POGLUT1: variants seen among roughly 807,000 people sequenced by gnomAD.
POGLUT1 encodes protein O-glucosyltransferase 1.
In POGLUT1, 32 loss-of-function variants were observed where a neutral mutation model predicts 61.3. That is an observed-to-expected ratio of 0.52 (90% CI 0.39 to 0.70). The LOEUF (loss-of-function observed/expected upper bound fraction) is 0.70, where lower values mean the gene tolerates loss of function less well. Ranked by LOEUF, POGLUT1 falls within the 30% of genes least tolerant of loss-of-function variation. The pLI is 0.00. For synonymous variants in POGLUT1, 158 were observed against 158.2 expected (o/e 1.00, Z 0.01); for missense variants, 411 against 469.8 (o/e 0.87, Z 1.16).
At chr3:119,469,394 CT>C (rs1393296231) in intron 1 of POGLUT1, 2 of 568,410 alleles carry the variant, frequency 3.5e-6, no homozygotes, top group Non-Finnish European at 6.3e-6. Context: ...TACTCTGGAC[CT>C]GCCTGAAACA....
chr3:119,477,320 G>T lies in POGLUT1; in HGVS notation c.328G>T (p.Gly110Cys), dbSNP rs1413130441. 1 of 1,613,924 alleles carries T rather than the reference G, an allele frequency of 6.2e-7. No individual in the cohort carries two copies. The highest frequency in any genetic ancestry group is 1.3e-5 in the African/African-American group (1 of 74,908). The change falls in exon 4 of 11, where the codon GGT (glycine) becomes TGT (cysteine). Residue 110 changes from glycine (G) to cysteine (C), a missense_variant. By Grantham distance (159) the Gly-to-Cys change is radical (BLOSUM62 -3). Coordinates refer to ENST00000295588, the MANE Select transcript of POGLUT1 (RefSeq NM_152305.3). ...GGTATGTCTGGTTGACAGGTGTAGT[G>T]GTGTTGAGCACTTTATTTTGGAAGT... ...NDCMFPSRCS[G>C]VEHFILEVIG...
At chr3:119,473,551 G>A (rs1316014050) in intron 3 of POGLUT1, among the ~76,000 whole-genome samples, 1 of 151,830 alleles carries the variant, frequency 6.6e-6, no homozygotes, top group African/African-American at 2.4e-5. Context: ...GACAAAATAC[G>A]AATAGAATGC....
Position 119,491,551 on chromosome 3 carries a change from T to C in POGLUT1, c.999T>C (p.Asp333=), listed in dbSNP as rs111547006. The C allele has an allele frequency of 1.9e-6, 3 of 1,566,188 alleles. No homozygotes were observed. The highest frequency in any genetic ancestry group is 1.4e-5 in the African/African-American group (1 of 73,388). The part of the protein sequence containing the change: ...ELLQFVKAND[D]VAQEIAERGS... ...TACAATTTGTAAAAGCAAATGATGA[T>C]GTAGCTCAAGAGATTGCTGAAAGGT... is the stretch of plus-strand genomic sequence containing the variant. Residue 333 remains aspartate (D), a synonymous_variant, in exon 10 of 11, where the codon GAT becomes GAC. Coordinates refer to ENST00000295588, the MANE Select transcript of POGLUT1 (RefSeq NM_152305.3).
At chr3:119,489,407 T>A in intron 8 of POGLUT1, 1 of 154,642 alleles carries the variant, frequency 6.5e-6, no homozygotes, top group East Asian at 1.9e-4. Flanking sequence ...CAGCCTGGGC[T>A]ACATAGTGAG....
rs2081475815 is a variant in POGLUT1 at position 119,471,636 on chromosome 3, C to G, written c.320+184C>G. 1.0e-5 allele frequency: 6 copies of G among 577,950 alleles called. No homozygotes were observed. In the Middle Eastern group the frequency reaches 1.4e-3, roughly 137 times the overall value. The allele number at this position is 577,950 out of a possible 1,614,324, so 35.8% of individuals were successfully genotyped here. A position where few individuals can be genotyped will look rare whatever the true frequency, so the allele number is the denominator to read the frequency against. Reference sequence around the variant, plus strand: ...TTTTCTTGCGAGCTCCTCTCAAAGCCTGTCTCCTCTGTGAGGCTTGGTTCA... The same window carrying G: ...TTTTCTTGCGAGCTCCTCTCAAAGCGTGTCTCCTCTGTGAGGCTTGGTTCA... On this transcript the variant is annotated intron_variant, in intron 3 of 10. Transcript: ENST00000295588.
intron 4 of POGLUT1, chr3:119,478,505 C>T (rs192332804): frequency 6.6e-4 from 291 of 439,682 alleles, no homozygotes; most frequent in Non-Finnish European, 1.1e-3. Flanking sequence ...TGTTTGTTAT[C>T]TATCTGTTGT....
At position 119,490,575 on chromosome 3, in the gene POGLUT1, A is replaced by G. The variant is rs1485004020; in HGVS notation, c.822A>G (p.Val274=). The G allele has an allele frequency of 9.3e-6, 15 of 1,614,156 alleles. No individual in the cohort carries two copies. Among genetic ancestry groups the G allele is most frequent in the Non-Finnish European group, 1.3e-5 (15 of 1,180,010 alleles). The change falls in exon 9 of 11, where the codon GTA becomes GTG. Residue 274 remains valine, a synonymous_variant. Transcript: ENST00000295588. Reference sequence around the variant, plus strand: ...GGTATCTGTTTAATTTTCGAGGCGTAGCTGCAAGTTTCCGGTTTAAACACC... The same window carrying G: ...GGTATCTGTTTAATTTTCGAGGCGTGGCTGCAAGTTTCCGGTTTAAACACC... ...KYKYLFNFRG[V]AASFRFKHLF...
intron 1 of POGLUT1, 31 bp downstream of exon 1, chr3:119,469,137 T>G (rs2081434630): frequency 6.5e-7 from 1 of 1,529,304 alleles, no homozygotes; most frequent in Non-Finnish European, 8.9e-7. Flanking sequence ...AGCCTGCCCC[T>G]TGGGCTCGGG....
intron 3 of POGLUT1, 114 bp downstream of exon 3, chr3:119,471,566 G>A: frequency 1.0e-6 from 1 of 955,142 alleles, no homozygotes; most frequent in South Asian, 1.3e-5. Context: ...TCACATTTCA[G>A]GCGGACTATG....
intron 7 of POGLUT1, 194 bp downstream of exon 7, chr3:119,487,126 G>T: frequency 8.5e-6 from 5 of 586,744 alleles, no homozygotes; most frequent in Non-Finnish European, 1.5e-5. Context: ...GCCATATTAT[G>T]ACTAGTATAT....
rs114003528 is a variant in POGLUT1, at chr3:119,475,151, A to G, written c.321-2162A>G. Among the ~76,000 whole-genome samples, 890 of 152,282 alleles carry G rather than the reference A, an allele frequency of 5.8e-3. 4 individuals are homozygous for G. The highest frequency in any genetic ancestry group is 0.021 in the African/African-American group (859 of 41,564). ...AGACAATTAGAATTCTGTGTCTTGT[A>G]TATCCTTCTAGAAATAGTCTGTACA... is the stretch of plus-strand genomic sequence containing the variant. On this transcript the variant is annotated intron_variant, in intron 3 of 10. Transcript: ENST00000295588.
chr3:119,484,716 A>G (rs2081645618), intron 5 of POGLUT1, among the ~76,000 whole-genome samples: 1 of 152,170 alleles, frequency 6.6e-6, no homozygotes, highest in African/African-American at 2.4e-5. Context: ...TACAGAGGAA[A>G]TCCACATTTG....
intron 3 of POGLUT1, among the ~76,000 whole-genome samples, chr3:119,472,139 G>A (rs2081481080): frequency 6.6e-6 from 1 of 152,128 alleles, no homozygotes; most frequent in Admixed American, 6.5e-5. Flanking sequence ...CATGGGCTGA[G>A]GGTGGAGGTT....
rs1303110456 is a variant in POGLUT1 at position 119,493,565 on chromosome 3, C to G, written c.*1127C>G. The G allele has an allele frequency of 2.6e-5, 4 of 152,192 alleles. No homozygotes were observed. Among genetic ancestry groups the G allele is most frequent in the Non-Finnish European group, 5.9e-5 (4 of 68,026 alleles). 9.4% of individuals were successfully genotyped at this position (152,192 alleles called of 1,614,324 possible). A position where few individuals can be genotyped will look rare whatever the true frequency, so the allele number is the denominator to read the frequency against. On this transcript the variant is annotated 3_prime_UTR_variant, in exon 11 of 11. Coordinates refer to ENST00000295588, the MANE Select transcript of POGLUT1 (RefSeq NM_152305.3). ...ACCATCCTTGACCCTTAGGCCCAACCTTTCCACAGAGAAATCACCTCTCTT... is the reference window on the plus strand; with the variant it reads ...ACCATCCTTGACCCTTAGGCCCAACGTTTCCACAGAGAAATCACCTCTCTT...
At chr3:119,472,545 T>C (rs922977111) in intron 3 of POGLUT1, among the ~76,000 whole-genome samples, 2 of 152,074 alleles carry the variant, frequency 1.3e-5, no homozygotes, top group Non-Finnish European at 2.9e-5. Context: ...GGAGAAACCC[T>C]GTCTTTACTA....
rs2081781416 is a variant in POGLUT1 at position 119,493,771 on chromosome 3, A to G, written c.*1333A>G. 1 of 148,796 alleles carries G rather than the reference A, an allele frequency of 6.7e-6. No individual in the cohort carries two copies. The highest frequency in any genetic ancestry group is 1.5e-5 in the Non-Finnish European group (1 of 67,604). 9.2% of individuals were successfully genotyped at this position (148,796 alleles called of 1,614,324 possible). Reference sequence around the variant, plus strand: ...GAAGTTGAGCATGCCTGGCAAGATCATTTCATGGAATAAGCAGATGTTTAA... The same window carrying G: ...GAAGTTGAGCATGCCTGGCAAGATCGTTTCATGGAATAAGCAGATGTTTAA... On this transcript the variant is annotated 3_prime_UTR_variant, in exon 11 of 11. Coordinates refer to ENST00000295588, the MANE Select transcript of POGLUT1 (RefSeq NM_152305.3).
intron 5 of POGLUT1, among the ~76,000 whole-genome samples, chr3:119,482,275 A>G (rs1289876816): frequency 6.6e-6 from 1 of 152,220 alleles, no homozygotes; most frequent in East Asian, 1.9e-4. Context: ...ATGCTCATAA[A>G]ATTTTACAAA....
At chr3:119,478,557 C>T in intron 4 of POGLUT1, 1 of 363,552 alleles carries the variant, frequency 2.8e-6, no homozygotes, top group South Asian at 2.1e-5. Context: ...TACTAACTTT[C>T]CGTTCATCTT....
chr3:119,476,378 G>T (rs1476334205), intron 3 of POGLUT1, among the ~76,000 whole-genome samples: 1 of 151,478 alleles, frequency 6.6e-6, no homozygotes, highest in Non-Finnish European at 1.5e-5. Flanking sequence ...ATACAGTTGA[G>T]CATCTTTTCC....
Sources: allele counts gnomAD v4.1 joint callset (sites outside exome capture counted in the v4.1 genomes callset), GRCh38; gene constraint gnomAD v4.1.1; transcripts MANE v1.5; gene names NCBI Gene and HGNC (gene_info 2026-07-23, HGNC 2026-07-21).